Variants in AP5Z1 observed in about 807,000 individuals in gnomAD.
The protein encoded by AP5Z1 is AP-5 complex subunit zeta-1.
Under a neutral mutation model 83.0 loss-of-function variants are expected in AP5Z1, and 106 were observed. That is an observed-to-expected ratio of 1.28 (90% CI 1.09 to 1.50). The LOEUF (loss-of-function observed/expected upper bound fraction) is 1.50. AP5Z1 is among the 40% of genes most tolerant of loss of function. AP5Z1 has a pLI of 0.00. For synonymous variants in AP5Z1, 751 were observed against 514.1 expected, an observed-to-expected ratio of 1.46 and a Z score of -6.23; for missense variants, 1,565 against 1,094.2, an observed-to-expected ratio of 1.43 and a Z score of -6.07.
chr7:4,789,847 C>T lies in AP5Z1; in HGVS notation c.1723C>T (p.Leu575=), dbSNP rs1200584762. 7.7e-6 allele frequency: 12 copies of T among 1,552,326 alleles called. No individual in the cohort carries two copies. In the Admixed American group the frequency reaches 7.8e-5, roughly 10 times the overall value. The part of the protein sequence containing the change: ...SAVTQVADGS[L]INQLALLLLG... Reference sequence around the variant, plus strand: ...TGACCCCCAGGTGGCTGACGGGTCCCTGATCAACCAGCTGGCGCTGCTGCT... The same window carrying T: ...TGACCCCCAGGTGGCTGACGGGTCCTTGATCAACCAGCTGGCGCTGCTGCT... Residue 575 remains leucine, a synonymous_variant, in exon 14 of 17, where the codon CTG becomes TTG. Transcript: ENST00000649063.
At chr7:4,779,161 A>G (rs117837189) in intron 1 of AP5Z1, among the ~76,000 whole-genome samples, 11,800 of 144,068 alleles carry the variant, frequency 0.082, 553 homozygotes, top group South Asian at 0.19. Flanking sequence ...TATAACAACT[A>G]TATAACATAT....
In AP5Z1 at chr7:4,786,403, G is replaced by A; in HGVS notation, c.1286G>A (p.Arg429Lys). 2 of 1,613,892 alleles carry A rather than the reference G, an allele frequency of 1.2e-6. No homozygotes were observed. Among genetic ancestry groups the A allele is most frequent in the South Asian group, 2.2e-5 (2 of 91,082 alleles). The part of the protein sequence containing the change: ...HLFSGHLSTL[R>K]LSFPNLFKFL... ...TTCAGCGGGCACCTCAGCACCCTCA[G>A]ATTGAGCTTCCCCAACCTCTTTAAG... is the stretch of plus-strand genomic sequence containing the variant. Residue 429 changes from arginine to lysine, a missense_variant, in exon 10 of 17, where the codon AGA becomes AAA. By Grantham distance (26) the Arg-to-Lys change is conservative (BLOSUM62 2). Transcript: ENST00000649063.
In AP5Z1 at chr7:4,775,716, ATGT is replaced by A. The variant is rs1781206336; in HGVS notation, c.3_5del (p.MetPhe1_?2). Reference sequence around the variant, plus strand: ...GTGCGCGTCTGGTGGCGGCGGCGTGATGTTCTCGGCAGGAGCGGAGAGTTTGCT... The same window carrying A: ...GTGCGCGTCTGGTGGCGGCGGCGTGATCTCGGCAGGAGCGGAGAGTTTGCT... On this transcript the variant is annotated start_lost and inframe_deletion, in exon 1 of 17. Coordinates refer to ENST00000649063, the MANE Select transcript of AP5Z1 (RefSeq NM_014855.3). 6 of 1,606,910 alleles carry A rather than the reference ATGT, an allele frequency of 3.7e-6. No individual in the cohort carries two copies. Among genetic ancestry groups the A allele is most frequent in the Non-Finnish European group, 5.1e-6 (6 of 1,179,704 alleles).
intron 4 of AP5Z1, 34 bp from the exon 5 acceptor site, chr7:4,783,655 A>G (rs930740494): frequency 7.8e-6 from 12 of 1,537,676 alleles, no homozygotes; most frequent in African/African-American, 2.8e-5. Flanking sequence ...GTAGGATTCA[A>G]CCTCACCTCC....
intron 16 of AP5Z1, 42 bp from the exon 17 acceptor site, chr7:4,791,073 A>G (rs1428768697): frequency 6.6e-7 from 1 of 1,526,396 alleles, no homozygotes; most frequent in Non-Finnish European, 8.8e-7. Flanking sequence ...CTGTCCTGGG[A>G]GGGGAGCATC....
At chr7:4,776,889 C>T (rs976269453) in intron 1 of AP5Z1, among the ~76,000 whole-genome samples, 1 of 152,156 alleles carries the variant, frequency 6.6e-6, no homozygotes, top group East Asian at 1.9e-4. Context: ...CCACTGGACT[C>T]CAGTCTGGGT....
Position 4,784,971 on chromosome 7 carries a change from G to T in AP5Z1, c.854G>T (p.Arg285Leu), listed in dbSNP as rs374794960. ...ATCTCCGCCACCTCCTCTGCCGGCC[G>T]CCTGCTGCCGCCCCGGGAGCGGCTT... ...SVISATSSAG[R>L]LLPPRERLRE... Residue 285 changes from arginine (R) to leucine (L), a missense_variant, in exon 7 of 17, where the codon CGC becomes CTC. Transcript: ENST00000649063. The T allele has an allele frequency of 1.2e-6, 2 of 1,612,124 alleles. No individual in the cohort carries two copies. Among genetic ancestry groups the T allele is most frequent in the Non-Finnish European group, 1.7e-6 (2 of 1,179,468 alleles).
intron 6 of AP5Z1, 33 bp from the exon 7 acceptor site, chr7:4,784,875 C>G: frequency 9.4e-6 from 15 of 1,596,020 alleles, no homozygotes; most frequent in Non-Finnish European, 1.3e-5. Context: ...GGGAGCCACA[C>G]GTCAGCCTGC....
In AP5Z1 at chr7:4,790,258, C is replaced by T. The variant is rs1421750317; in HGVS notation, c.1806-201C>T. On this transcript the variant is annotated intron_variant, in intron 14 of 16. Transcript: ENST00000649063. ...ATCCTGGTTCCACTCTGAGCCTGGG[C>T]CTGAGGCCAGCGCTGGTGCCAGCCT... The T allele has an allele frequency of 4.5e-6, 7 of 1,544,924 alleles. No individual in the cohort carries two copies. In the Admixed American group the frequency reaches 9.6e-5, roughly 21 times the overall value.
rs529267137 is a variant in AP5Z1 at position 4,789,320 on chromosome 7, A to C, written c.1707+369A>C. Among the ~76,000 whole-genome samples the C allele has an allele frequency of 1.9e-4, 29 of 152,252 alleles. No individual in the cohort carries two copies. In the South Asian group the frequency reaches 5.8e-3, roughly 30 times the overall value. On this transcript the variant is annotated intron_variant, in intron 13 of 16. Transcript: ENST00000649063. ...TTCCGTCCCCAGGACAGGGCAAGTGAGTGGCCTGGGCTCTGGCCACACAGC... is the reference window on the plus strand; with the variant it reads ...TTCCGTCCCCAGGACAGGGCAAGTGCGTGGCCTGGGCTCTGGCCACACAGC...
In AP5Z1 at chr7:4,788,938, C is replaced by T. The variant is rs1411736323; in HGVS notation, c.1694C>T (p.Ser565Leu). The T allele has an allele frequency of 1.2e-6, 2 of 1,611,190 alleles. No homozygotes were observed. Among genetic ancestry groups the T allele is most frequent in the Non-Finnish European group, 1.7e-6 (2 of 1,179,398 alleles). ...CCCACGCTGCTGCAGGCATTCTTCT[C>T]AGCAGTGACCCAGGTGAGCTCGCTG... is the stretch of plus-strand genomic sequence containing the variant. ...AVPTLLQAFF[S>L]AVTQVADGSL... The change falls in exon 13 of 17, where the codon TCA (serine) becomes TTA (leucine). Residue 565 changes from serine (S) to leucine (L), a missense_variant. Transcript: ENST00000649063.
intron 1 of AP5Z1, among the ~76,000 whole-genome samples, chr7:4,778,823 TTATA>T (rs1781291513): frequency 1.4e-5 from 2 of 143,624 alleles, no homozygotes. Context: ...ATATGTTATA[TTATA>T]TATCATTATA....
At chr7:4,779,255 T>A (rs964531910) in intron 1 of AP5Z1, among the ~76,000 whole-genome samples, 8 of 146,840 alleles carry the variant, frequency 5.4e-5, no homozygotes, top group African/African-American at 2.0e-4. Flanking sequence ...ACATTAGAAA[T>A]AATGTATATA....
In AP5Z1 at chr7:4,788,828, C is replaced by T; in HGVS notation, c.1596-12C>T. ...GGAGCGGGCAGCACTCACGGCCACACTGTGTCCTCAGGTTGGCGCCACTCC... is the reference window on the plus strand; with the variant it reads ...GGAGCGGGCAGCACTCACGGCCACATTGTGTCCTCAGGTTGGCGCCACTCC... On this transcript the variant is annotated splice_polypyrimidine_tract_variant and intron_variant, in intron 12 of 16. Coordinates refer to ENST00000649063, the MANE Select transcript of AP5Z1 (RefSeq NM_014855.3). 1 of 1,595,246 alleles carries T rather than the reference C, an allele frequency of 6.3e-7. No individual in the cohort carries two copies. The highest frequency in any genetic ancestry group is 8.5e-7 in the Non-Finnish European group (1 of 1,171,208).
Position 4,790,114 on chromosome 7 carries a change from C to CT in AP5Z1, c.1805+185_1805+186insT, listed in dbSNP as rs1361182068. On this transcript the variant is annotated intron_variant, in intron 14 of 16. Coordinates refer to ENST00000649063, the MANE Select transcript of AP5Z1 (RefSeq NM_014855.3). ...GCCCCAGGCACTTCTCTCTGCTTCT[C>CT]AAGAACATTCCCGTCCTTCTTTCTG... 2.2e-6 allele frequency: 3 copies of CT among 1,393,842 alleles called. No homozygotes were observed. The African/African-American group carries it at 4.9e-5, about 23-fold the overall frequency. 86.3% of individuals were successfully genotyped at this position (1,393,842 alleles called of 1,614,324 possible).
chr7:4,790,479 T>A lies in AP5Z1; in HGVS notation c.1826T>A (p.Leu609Gln). ...GVHSVLSSQF[L>Q]ALCTLKPSLV... ...GGCAGTGTGCTGAGTTCTCAGTTCC[T>A]GGCCCTGTGTACGCTGAAACCCTCC... The change falls in exon 15 of 17, where the codon CTG becomes CAG. Residue 609 changes from leucine to glutamine, a missense_variant. By Grantham distance (113) the Leu-to-Gln change is moderately radical. Transcript: ENST00000649063. 1 of 1,613,194 alleles carries A rather than the reference T, an allele frequency of 6.2e-7. No individual in the cohort carries two copies. Among genetic ancestry groups the A allele is most frequent in the Non-Finnish European group, 8.5e-7 (1 of 1,179,858 alleles).
rs758277252 is a variant in AP5Z1 at position 4,788,885 on chromosome 7, C to G, written c.1641C>G (p.Ala547=). 2.5e-6 allele frequency: 4 copies of G among 1,610,512 alleles called. No individual in the cohort carries two copies. Among genetic ancestry groups the G allele is most frequent in the East Asian group, 4.5e-5 (2 of 44,844 alleles). The change falls in exon 13 of 17, where the codon GCC becomes GCG. Residue 547 remains alanine, a synonymous_variant. Coordinates refer to ENST00000649063, the MANE Select transcript of AP5Z1 (RefSeq NM_014855.3). ...HQLLQPMAGC[A]RVAQCAQAVP... ...TGCTGCAGCCCATGGCCGGCTGTGCCCGCGTGGCCCAGTGTGCCCAGGCCG... is the reference window on the plus strand; with the variant it reads ...TGCTGCAGCCCATGGCCGGCTGTGCGCGCGTGGCCCAGTGTGCCCAGGCCG...
intron 1 of AP5Z1, among the ~76,000 whole-genome samples, chr7:4,778,754 ATATAT>A (rs1781287838): frequency 6.8e-6 from 1 of 146,336 alleles, no homozygotes. Flanking sequence ...ATAACATTTT[ATATAT>A]TATATATTAC....
intron 6 of AP5Z1, 105 bp from the exon 7 acceptor site, chr7:4,784,803 G>T: frequency 7.0e-7 from 1 of 1,418,824 alleles, no homozygotes; most frequent in Middle Eastern, 2.4e-4. Context: ...CCTCCCGGGA[G>T]GGGCTGCGGC....
Sources: allele counts gnomAD v4.1 joint callset (sites outside exome capture counted in the v4.1 genomes callset), GRCh38; gene constraint gnomAD v4.1.1; transcripts MANE v1.5; gene names NCBI Gene and HGNC (gene_info 2026-07-23, HGNC 2026-07-21).